Variants in SHISA9 observed in about 807,000 individuals in gnomAD.
The protein encoded by SHISA9 is shisa family member 9.
A neutral mutation model predicts 38.0 loss-of-function variants in SHISA9; 13 were observed. That is an observed-to-expected ratio of 0.34 (90% CI 0.22 to 0.54). The LOEUF (loss-of-function observed/expected upper bound fraction) is 0.54. Ranked by LOEUF, SHISA9 falls within the 20% of genes least tolerant of loss-of-function variation. The pLI is 0.91. For synonymous variants in SHISA9, 275 were observed against 242.0 expected (o/e 1.14, Z -1.27); for missense variants, 538 against 575.8 (o/e 0.93, Z 0.67).
At chr16:12,973,794 T>C (rs1021625010) in intron 2 of SHISA9, among the ~76,000 whole-genome samples, 1 of 152,142 alleles carries the variant, frequency 6.6e-6, no homozygotes, top group Non-Finnish European at 1.5e-5. Context: ...GAGCACTGAA[T>C]TGGGACTTCA....
rs1414164756 is a variant in SHISA9, at chr16:13,236,849, A to G, written c.*1440A>G. ...CCCGTAATTCCCATGGTCCCTCCAAATTACCTCCCCACATACTTCATGTGT... is the reference window on the plus strand; with the variant it reads ...CCCGTAATTCCCATGGTCCCTCCAAGTTACCTCCCCACATACTTCATGTGT... On this transcript the variant is annotated 3_prime_UTR_variant, in exon 5 of 5. Coordinates refer to ENST00000558583, the MANE Select transcript of SHISA9 (RefSeq NM_001145204.3). The G allele has an allele frequency of 2.0e-5, 3 of 152,146 alleles. No individual in the cohort carries two copies. The highest frequency in any genetic ancestry group is 7.2e-5 in the African/African-American group (3 of 41,418). The allele number at this position is 152,146 out of a possible 1,614,324, so 9.4% of individuals were successfully genotyped here. A position where few individuals can be genotyped will look rare whatever the true frequency, so the allele number is the denominator to read the frequency against.
At chr16:13,176,359 A>C (rs1454432799) in intron 2 of SHISA9, among the ~76,000 whole-genome samples, 1 of 152,022 alleles carries the variant, frequency 6.6e-6, no homozygotes, top group Non-Finnish European at 1.5e-5. Context: ...TGCCCATTTT[A>C]ATCTCTTTGG....
chr16:13,370,044 T>C, the SHISA9 span, among the ~76,000 whole-genome samples: 2 of 152,106 alleles, frequency 1.3e-5, no homozygotes, highest in Non-Finnish European at 2.9e-5. Context: ...CAAAAACCAT[T>C]TGTACCTGTA....
chr16:13,405,200 G>A, the SHISA9 span, among the ~76,000 whole-genome samples: 2 of 152,212 alleles, frequency 1.3e-5, no homozygotes, highest in South Asian at 4.1e-4. Flanking sequence ...ATGAAATCTG[G>A]ATTTAATCTT....
the SHISA9 span, among the ~76,000 whole-genome samples, chr16:13,472,518 A>G: frequency 8.2e-5 from 12 of 145,888 alleles, no homozygotes; most frequent in Middle Eastern, 3.8e-3. Context: ...CAGCCTTCCC[A>G]GCAGCTGGGA....
intron 2 of SHISA9, among the ~76,000 whole-genome samples, chr16:13,044,797 G>T (rs1273609300): frequency 6.6e-6 from 1 of 152,288 alleles, no homozygotes; most frequent in Middle Eastern, 3.4e-3. Flanking sequence ...ATGAATCTTG[G>T]ATGGTAGCTA....
intron 2 of SHISA9, among the ~76,000 whole-genome samples, chr16:13,187,798 A>G (rs2050842391): frequency 1.3e-5 from 2 of 152,214 alleles, no homozygotes; most frequent in South Asian, 2.1e-4. Context: ...TGGGGTTGTG[A>G]GTGGACAAAA....
rs138707662 is a variant in SHISA9 at position 12,926,853 on chromosome 16, T to G, written c.691+10038T>G. 2.0e-4 allele frequency among the ~76,000 whole-genome samples: 30 copies of G among 152,350 alleles called. No individual in the cohort carries two copies. In the East Asian group the frequency reaches 4.8e-3, roughly 24 times the overall value. ...GCCCACCGCTGACTGAGGGGAGGAC[T>G]ATTTGTCTTACACTATAGATCTTTC... On this transcript the variant is annotated intron_variant, in intron 2 of 4. Coordinates refer to ENST00000558583, the MANE Select transcript of SHISA9 (RefSeq NM_001145204.3).
At chr16:13,310,183 C>T in the SHISA9 span, among the ~76,000 whole-genome samples, 10 of 152,290 alleles carry the variant, frequency 6.6e-5, no homozygotes, top group Middle Eastern at 3.4e-3. Context: ...CCACTGCTCC[C>T]GGCCTGTTCT....
chr16:13,188,088 C>T (rs148338836), intron 2 of SHISA9, among the ~76,000 whole-genome samples: 5 of 152,238 alleles, frequency 3.3e-5, no homozygotes, highest in South Asian at 2.1e-4. Context: ...TGTTATATTG[C>T]TTTCCTTTTG....
At chr16:13,517,277 C>T in the SHISA9 span, among the ~76,000 whole-genome samples, 48 of 152,234 alleles carry the variant, frequency 3.2e-4, 2 homozygotes, top group Admixed American at 2.9e-3. Context: ...TTCAGCGGGT[C>T]CAAAAGGAAC....
At chr16:13,260,318 G>A in the SHISA9 span, among the ~76,000 whole-genome samples, 1 of 151,852 alleles carries the variant, frequency 6.6e-6, no homozygotes, top group Non-Finnish European at 1.5e-5. Context: ...GCCTGGCCGG[G>A]TTTTTCTTTT....
chr16:12,902,116 G>T lies in SHISA9; in HGVS notation c.52G>T (p.Ala18Ser), dbSNP rs925374497. The T allele has an allele frequency of 2.7e-6, 4 of 1,498,098 alleles. No homozygotes were observed. The highest frequency in any genetic ancestry group is 2.9e-5 in the African/African-American group (2 of 68,342). The allele number at this position is 1,498,098 out of a possible 1,614,324, so 92.8% of individuals were successfully genotyped here. Residue 18 changes from alanine (A) to serine (S), a missense_variant, in exon 1 of 5, where the codon GCC (alanine) becomes TCC (serine). By Grantham distance (99) the Ala-to-Ser change is moderately conservative. Around this residue, in one of 4 missense-constraint regions of SHISA9, gnomAD observed 107 missense variants for 103.0 expected, o/e 1.04. Transcript: ENST00000558583. ...CGGTTGCTTCCTCACCGAGCTGTGC[G>T]CCCGCGTGTGCCGGGCGCAGGAGCG... is the stretch of plus-strand genomic sequence containing the variant. Reference protein sequence around the residue: ...LLGCFLTELCARVCRAQERAG... With the variant: ...LLGCFLTELCSRVCRAQERAG...
At chr16:13,469,365 A>AAGAAAGAAAGGAAAAAG in the SHISA9 span, among the ~76,000 whole-genome samples, 1 of 64,456 alleles carries the variant, frequency 1.6e-5, no homozygotes, top group Non-Finnish European at 3.1e-5. Context: ...AAAGAAAAGA[A>AAGAAAGAAAGGAAAAAG]AAAGAAAGAA....
chr16:13,051,827 C>T (rs1165575908), intron 2 of SHISA9, among the ~76,000 whole-genome samples: 4 of 151,690 alleles, frequency 2.6e-5, no homozygotes, highest in African/African-American at 4.9e-5. Context: ...TGCAGAGGCA[C>T]GATCTCAGCT....
rs66529584 is a variant in SHISA9 at position 13,037,058 on chromosome 16, T to TCACA, written c.691+120265_691+120268dup. Among the ~76,000 whole-genome samples the TCACA allele has an allele frequency of 4.0e-4, 54 of 135,988 alleles. 1 individual carries two copies. Among genetic ancestry groups the TCACA allele is most frequent in the Non-Finnish European group, 6.6e-4 (43 of 65,068 alleles). The allele number at this position is 135,988 out of a possible 152,430, so 89.2% of individuals were successfully genotyped here. A position where few individuals can be genotyped will look rare whatever the true frequency, so the allele number is the denominator to read the frequency against. ...TAAGTAAAAGGAAAGCAGGGAATGA[T>TCACA]CACACACACACACACACACACACAC... On this transcript the variant is annotated intron_variant, in intron 2 of 4. Coordinates refer to ENST00000558583, the MANE Select transcript of SHISA9 (RefSeq NM_001145204.3).
intron 2 of SHISA9, among the ~76,000 whole-genome samples, chr16:13,161,886 G>T (rs2050598083): frequency 1.3e-5 from 2 of 152,076 alleles, no homozygotes; most frequent in African/African-American, 2.4e-5. Context: ...TTTCTAGTTT[G>T]CTGAAAGTTT....
At position 12,902,486 on chromosome 16, in the gene SHISA9, C is replaced by A; in HGVS notation, c.422C>A (p.Pro141His). The A allele has an allele frequency of 5.8e-6, 9 of 1,551,642 alleles. No individual in the cohort carries two copies. Among genetic ancestry groups the A allele is most frequent in the Non-Finnish European group, 7.8e-6 (9 of 1,147,020 alleles). The stretch of plus-strand genomic sequence containing the variant: ...AAGCCCCCCGCCCGCAAGGACGACC[C>A]CTTGCACGACCCCACCAAGGACAAG... ...TGKPPARKDD[P>H]LHDPTKDKTN... is the part of the protein sequence containing the mutation. Residue 141 changes from proline (P) to histidine (H), a missense_variant, in exon 1 of 5, where the codon CCC (proline) becomes CAC (histidine). By Grantham distance (77) the Pro-to-His change is moderately conservative (BLOSUM62 -2). Around this residue, in one of 4 missense-constraint regions of SHISA9, gnomAD observed 88 missense variants for 109.7 expected, o/e 0.80. Coordinates refer to ENST00000558583, the MANE Select transcript of SHISA9 (RefSeq NM_001145204.3).
chr16:13,561,426 T>C, the SHISA9 span, among the ~76,000 whole-genome samples: 6 of 152,194 alleles, frequency 3.9e-5, no homozygotes, highest in African/African-American at 1.4e-4. Context: ...CGTGCTGCTG[T>C]CAGAGAGCTA....
Sources: allele counts gnomAD v4.1 joint callset (sites outside exome capture counted in the v4.1 genomes callset), GRCh38; gene constraint gnomAD v4.1.1; regional missense constraint gnomAD v4.1.1; transcripts MANE v1.5; gene names NCBI Gene and HGNC (gene_info 2026-07-23, HGNC 2026-07-21).